The following PDK2 variants were observed in gnomAD, a reference collection of about 807,000 sequenced individuals.
The protein encoded by PDK2 is pyruvate dehydrogenase kinase 2, also known as pyruvate dehydrogenase kinase, isozyme 2.
In PDK2, 34 loss-of-function variants were observed where a neutral mutation model predicts 50.4. The observed-to-expected ratio is 0.68, with a 90% CI of 0.51 to 0.90. PDK2 has a LOEUF of 0.90. Among genes scored for constraint, PDK2 ranks in the 40% least tolerant of loss-of-function variants. The pLI is 0.00. For missense variants in PDK2, 377 were observed against 544.5 expected (o/e 0.69, Z 3.06); for synonymous variants, 232 against 216.0 (o/e 1.07, Z -0.65).
chr17:50,095,503 T>G lies in PDK2; in HGVS notation c.68T>G (p.Phe23Cys), dbSNP rs1909885170. Reference protein sequence around the residue: ...LAGAPKYIEHFSKFSPSPLSM... With the variant: ...LAGAPKYIEHCSKFSPSPLSM... ...GGGGCGCCCAAGTACATAGAGCACT[T>G]CAGCAAGTTCTCCCCGTCCCCGCTG... Residue 23 changes from phenylalanine to cysteine, a missense_variant, in exon 1 of 11, where the codon TTC becomes TGC. By Grantham distance (205) the Phe-to-Cys change is radical. Coordinates refer to ENST00000503176, the MANE Select transcript of PDK2 (RefSeq NM_002611.5). 3 of 1,607,018 alleles carry G rather than the reference T, an allele frequency of 1.9e-6. No homozygotes were observed. The highest frequency in any genetic ancestry group is 2.5e-6 in the Non-Finnish European group (3 of 1,177,006).
rs975875314 is a variant in PDK2 at position 50,095,384 on chromosome 17, C to T, written c.-52C>T. On this transcript the variant is annotated 5_prime_UTR_variant, in exon 1 of 11. Coordinates refer to ENST00000503176, the MANE Select transcript of PDK2 (RefSeq NM_002611.5). ...AACCGCGTCGCTGGGCCGAAAGGTG[C>T]GCGAGCGCTGCCCGCGCGGGGACCA... 1.5e-5 allele frequency: 20 copies of T among 1,374,126 alleles called. No individual in the cohort carries two copies. Among genetic ancestry groups the T allele is most frequent in the East Asian group, 2.4e-5 (1 of 41,236 alleles). 85.1% of individuals were successfully genotyped at this position (1,374,126 alleles called of 1,614,324 possible). A position where few individuals can be genotyped will look rare whatever the true frequency, so the allele number is the denominator to read the frequency against.
At chr17:50,095,612 G>T in intron 1 of PDK2, 59 bp downstream of exon 1, 1 of 1,519,126 alleles carries the variant, frequency 6.6e-7, no homozygotes, top group Non-Finnish European at 9.0e-7. Context: ...GGGAGGGGCA[G>T]CCGGGGGCTA....
chr17:50,106,454 C>G (rs1313535080), intron 4 of PDK2: 9 of 455,824 alleles, frequency 2.0e-5, no homozygotes, highest in Non-Finnish European at 3.5e-5. Flanking sequence ...AAACAAGTTC[C>G]TCATGCTCAA....
rs577119047 is a variant in PDK2 at position 50,106,097 on chromosome 17, C to T, written c.517+28C>T. 310 of 1,569,084 alleles carry T rather than the reference C, an allele frequency of 2.0e-4. 1 individual carries two copies. Among genetic ancestry groups the T allele is most frequent in the South Asian group, 9.2e-4 (79 of 86,080 alleles). ...GGGTGCCGGCCACAGCGGCGGGGAG[C>T]GGGCGGTGGGGGGGGCGGTGCTGGG... On this transcript the variant is annotated intron_variant, in intron 4 of 10. Coordinates refer to ENST00000503176, the MANE Select transcript of PDK2 (RefSeq NM_002611.5).
rs779378038 is a variant in PDK2 at position 50,107,163 on chromosome 17, C to T, written c.685+10C>T. 15 of 1,611,370 alleles carry T rather than the reference C, an allele frequency of 9.3e-6. No individual in the cohort carries two copies. The highest frequency in any genetic ancestry group is 8.3e-5 in the Admixed American group (5 of 60,004). On this transcript the variant is annotated intron_variant, in intron 6 of 10. Coordinates refer to ENST00000503176, the MANE Select transcript of PDK2 (RefSeq NM_002611.5). ...ATCCAGGAGATCAATGGTGAGTGAG[C>T]GGGGCTGTGTATGTGTCTGTCTTGG...
chr17:50,106,837 C>T lies in PDK2; in HGVS notation c.561C>T (p.His187=). 6.2e-7 allele frequency: 1 copy of T among 1,614,164 alleles called. No homozygotes were observed. Among genetic ancestry groups the T allele is most frequent in the Non-Finnish European group, 8.5e-7 (1 of 1,180,040 alleles). The change falls in exon 5 of 11, where the codon CAC becomes CAT. Residue 187 remains histidine, a synonymous_variant. Coordinates refer to ENST00000503176, the MANE Select transcript of PDK2 (RefSeq NM_002611.5). Reference sequence around the variant, plus strand: ...GCACCAACCCAGCCCATCCCAAACACATCGGCAGCATCGACCCCAACTGCA... The same window carrying T: ...GCACCAACCCAGCCCATCCCAAACATATCGGCAGCATCGACCCCAACTGCA... ...DGSTNPAHPK[H]IGSIDPNCNV... is the part of the protein sequence containing the mutation.
rs573039416 is a variant in PDK2, at chr17:50,101,269, G to A, written c.260+3705G>A. On this transcript the variant is annotated intron_variant, in intron 2 of 10. Coordinates refer to ENST00000503176, the MANE Select transcript of PDK2 (RefSeq NM_002611.5). This position sits in a 1 kb window ranked among gnomAD's most constrained non-coding sequence, Gnocchi z 4.2. ...CACGAGCTCTCCAAACCCGTCAGCC[G>A]CTCCTTGCATGACCGAGCAGGACCG... Among the ~76,000 whole-genome samples the A allele has an allele frequency of 1.6e-4, 24 of 152,240 alleles. No individual in the cohort carries two copies. Among genetic ancestry groups the A allele is most frequent in the African/African-American group, 4.3e-4 (18 of 41,532 alleles).
upstream of PDK2, chr17:50,095,210 C>G (rs1909864664): frequency 1.2e-5 from 6 of 495,628 alleles, no homozygotes; most frequent in South Asian, 1.6e-4. Flanking sequence ...AGGGGGCGGG[C>G]CCGGGGGAAG....
In PDK2 at chr17:50,095,402, G is replaced by A. The variant is rs781233411; in HGVS notation, c.-34G>A. On this transcript the variant is annotated 5_prime_UTR_variant, in exon 1 of 11. Coordinates refer to ENST00000503176, the MANE Select transcript of PDK2 (RefSeq NM_002611.5). ...AAAGGTGCGCGAGCGCTGCCCGCGC[G>A]GGGACCACAACCAAAGTCGCGGCCG... 8 of 1,496,174 alleles carry A rather than the reference G, an allele frequency of 5.3e-6. No individual in the cohort carries two copies. The South Asian group carries it at 9.3e-5, about 17-fold the overall frequency. 92.7% of individuals were successfully genotyped at this position (1,496,174 alleles called of 1,614,324 possible).
intron 2 of PDK2, among the ~76,000 whole-genome samples, chr17:50,099,158 G>A (rs1368780388): frequency 1.3e-5 from 2 of 152,118 alleles, no homozygotes; most frequent in African/African-American, 4.8e-5. Flanking sequence ...GGAGTGGTGG[G>A]AAGGAGACAG....
chr17:50,105,734 A>C (rs1910472516), intron 3 of PDK2, 151 bp from the exon 4 acceptor site: 2 of 1,118,690 alleles, frequency 1.8e-6, no homozygotes, highest in Admixed American at 5.4e-5. Flanking sequence ...GGCAGCTAAA[A>C]GATCAGAGTG....
chr17:50,107,594 A>G (rs190577781), intron 6 of PDK2, among the ~76,000 whole-genome samples: 6 of 152,292 alleles, frequency 3.9e-5, no homozygotes, highest in East Asian at 1.9e-4. Context: ...CAAATAAGAA[A>G]TTGAGTGAAT....
rs771376035 is a variant in PDK2 at position 50,110,062 on chromosome 17, G to A, written c.1189G>A (p.Glu397Lys). 6.2e-7 allele frequency: 1 copy of A among 1,611,296 alleles called. No homozygotes were observed. Among genetic ancestry groups the A allele is most frequent in the Non-Finnish European group, 8.5e-7 (1 of 1,178,818 alleles). Residue 397 changes from glutamate to lysine, a missense_variant, in exon 11 of 11, where the codon GAG (glutamate) becomes AAG (lysine). This residue lies in a region of PDK2 where 214 missense variants were observed against 294.0 expected (regional missense o/e 0.73). Transcript: ENST00000503176. ...CGGCGACTGGTGTGTGCCCAGCACG[G>A]AGCCCAAGAACACGTCCACGTACCG... ...EAGDWCVPST[E>K]PKNTSTYRVS
At chr17:50,096,552 T>C (rs1168244110) in intron 1 of PDK2, among the ~76,000 whole-genome samples, 4 of 152,130 alleles carry the variant, frequency 2.6e-5, no homozygotes, top group Non-Finnish European at 5.9e-5. Context: ...AGGACTTGTC[T>C]GCCTGCACCC....
intron 2 of PDK2, among the ~76,000 whole-genome samples, chr17:50,102,101 C>T (rs1487090550): frequency 6.6e-6 from 1 of 152,212 alleles, no homozygotes. Context: ...CACTCGTCCC[C>T]AATCTCCCTT....
Position 50,108,406 on chromosome 17 carries a change from C to T in PDK2, c.850C>T (p.Leu284=), listed in dbSNP as rs1417295298. 6.2e-7 allele frequency: 1 copy of T among 1,612,856 alleles called. No individual in the cohort carries two copies. Among genetic ancestry groups the T allele is most frequent in the Admixed American group, 1.7e-5 (1 of 60,024 alleles). The part of the protein sequence containing the change: ...KVMVALGEED[L]SIKMSDRGGG... Reference sequence around the variant, plus strand: ...CATGGTGGCCTTGGGTGAGGAAGATCTGTCCATCAAGGTATGTGACCCTTT... The same window carrying T: ...CATGGTGGCCTTGGGTGAGGAAGATTTGTCCATCAAGGTATGTGACCCTTT... Residue 284 remains leucine, a synonymous_variant, in exon 8 of 11, where the codon CTG becomes TTG. Transcript: ENST00000503176.
intron 3 of PDK2, 96 bp from the exon 4 acceptor site, chr17:50,105,789 G>A: frequency 1.4e-6 from 2 of 1,476,308 alleles, no homozygotes; most frequent in East Asian, 4.9e-5. Context: ...CATCGGATTG[G>A]GAAGGGTAGA....
At chr17:50,100,997 AC>A (rs1312606586) in intron 2 of PDK2, 1 of 152,164 alleles carries the variant, frequency 6.6e-6, no homozygotes, top group African/African-American at 2.4e-5. Context: ...GAAAGGGACA[AC>A]CCCGGCTCCT....
At chr17:50,105,569 G>A in intron 3 of PDK2, 127 bp downstream of exon 3, 1 of 777,360 alleles carries the variant, frequency 1.3e-6, no homozygotes, top group Non-Finnish European at 2.1e-6. Context: ...CATCCAGTCT[G>A]AGTGGGGAGA....
Sources: gnomAD v4.1 joint callset for allele counts (sites outside exome capture counted in the v4.1 genomes callset) on GRCh38, gnomAD v4.1.1 for gene constraint, gnomAD v4.1.1 regional missense constraint, Gnocchi (gnomAD v3.1) non-coding constraint, MANE v1.5 for transcripts, NCBI Gene and HGNC (gene_info 2026-07-23, HGNC 2026-07-21) for gene names.